The following PTK2 variants were observed in gnomAD, a reference collection of about 807,000 sequenced individuals.
PTK2 encodes protein tyrosine kinase 2.
In PTK2, 45 loss-of-function variants were observed where a neutral mutation model predicts 150.1. The observed-to-expected ratio is 0.30, with a 90% confidence interval of 0.24 to 0.38. The LOEUF (loss-of-function observed/expected upper bound fraction) is 0.38, where lower values mean the gene tolerates loss of function less well. PTK2 is among the 10% of genes least tolerant of loss of function. The probability of loss-of-function intolerance (pLI) is 1.00; values close to 1 mark genes in which losing one functional copy is unlikely to be tolerated. For missense variants in PTK2, 919 were observed against 1,307.3 expected (o/e 0.70, Z 4.58); for synonymous variants, 432 against 449.2 (o/e 0.96, Z 0.48).
chr8:140,920,234 A>C (rs2100166903), intron 2 of PTK2, among the ~76,000 whole-genome samples: 2 of 152,220 alleles, frequency 1.3e-5, no homozygotes, highest in South Asian at 4.1e-4. Flanking sequence ...ACTTCTAAAT[A>C]TGTTTCCCAA....
intron 2 of PTK2, among the ~76,000 whole-genome samples, chr8:140,910,755 T>C (rs887138521): frequency 6.6e-6 from 1 of 152,170 alleles, no homozygotes; most frequent in Admixed American, 6.5e-5. Flanking sequence ...TCTCAGTAAC[T>C]TCTTGGCCTG....
At chr8:140,985,947 A>G (rs2100193099) in intron 1 of PTK2, among the ~76,000 whole-genome samples, 1 of 152,230 alleles carries the variant, frequency 6.6e-6, no homozygotes, top group African/African-American at 2.4e-5. Flanking sequence ...TATTAAAGGA[A>G]CTCAATCATC....
intron 7 of PTK2, chr8:140,833,074 G>A (rs756684119): frequency 5.6e-5 from 29 of 518,578 alleles, no homozygotes; most frequent in Non-Finnish European, 1.1e-4. Flanking sequence ...TAAACCAAAA[G>A]TGTTGTATGA....
At chr8:140,957,319 T>C (rs967183091) in intron 1 of PTK2, among the ~76,000 whole-genome samples, 2 of 152,032 alleles carry the variant, frequency 1.3e-5, no homozygotes, top group African/African-American at 4.8e-5. Context: ...TCTCAGCTAC[T>C]TGGGAAGCTG....
chr8:140,764,371 C>T (rs751711246), intron 14 of PTK2, 81 bp from the exon 17 acceptor site: 16 of 1,094,006 alleles, frequency 1.5e-5, no homozygotes, highest in African/African-American at 6.2e-5. Flanking sequence ...GTAGGCAAAG[C>T]GATCTGCTTA....
chr8:140,932,826 T>C (rs1164704787), intron 1 of PTK2, among the ~76,000 whole-genome samples: 1 of 150,740 alleles, frequency 6.6e-6, no homozygotes, highest in Non-Finnish European at 1.5e-5. Context: ...AGACGGGGGT[T>C]TGTATACAGC....
intron 23 of PTK2, 23 bp downstream of exon 26, chr8:140,717,575 G>A: frequency 6.4e-7 from 1 of 1,557,964 alleles, no homozygotes; most frequent in Non-Finnish European, 8.9e-7. Context: ...TAACCCCAAA[G>A]TTGGGGTGGG....
chr8:140,828,165 CA>C (rs1243500227), intron 8 of PTK2, among the ~76,000 whole-genome samples: 1 of 108,090 alleles, frequency 9.3e-6, no homozygotes, highest in Admixed American at 9.7e-5. Context: ...GACTCTGTCT[CA>C]ACAAAAAAAA....
At chr8:140,949,354 G>T (rs921137292) in intron 1 of PTK2, among the ~76,000 whole-genome samples, 1 of 152,228 alleles carries the variant, frequency 6.6e-6, no homozygotes, top group African/African-American at 2.4e-5. Flanking sequence ...GCAGGAGGTG[G>T]GAACAGGTGG....
Position 140,920,969 on chromosome 8 carries a change from C to T in PTK2, c.-33+4692G>A, listed in dbSNP as rs183484896. On this transcript the variant is annotated intron_variant, in intron 2 of 31. Transcript: ENST00000522684. ...GTCTGCACACAAAGTCCCAGTTCCT[C>T]GCTGTGATAGTATTTGCTTCGATCC... The T allele has an allele frequency of 4.2e-3, 5,825 of 1,386,394 alleles. 14 individuals carry two copies. Among genetic ancestry groups the T allele is most frequent in the Admixed American group, 6.1e-3 (179 of 29,282 alleles). The allele number at this position is 1,386,394 out of a possible 1,614,324, so 85.9% of individuals were successfully genotyped here.
intron 1 of PTK2, among the ~76,000 whole-genome samples, chr8:140,926,986 CT>C (rs1455406426): frequency 1.3e-5 from 2 of 152,148 alleles, no homozygotes; most frequent in Non-Finnish European, 2.9e-5. Flanking sequence ...GATTTAGAAA[CT>C]GCTGAGAGGT....
chr8:140,875,674 T>C (rs945763590), intron 4 of PTK2, among the ~76,000 whole-genome samples: 1 of 152,210 alleles, frequency 6.6e-6, no homozygotes, highest in African/African-American at 2.4e-5. Context: ...TGTACAACTG[T>C]TTCTCACAAC....
intron 14 of PTK2, among the ~76,000 whole-genome samples, chr8:140,780,787 T>C (rs879709129): frequency 3.9e-5 from 6 of 152,216 alleles, no homozygotes; most frequent in Admixed American, 6.5e-5. Flanking sequence ...AGGTGAAATA[T>C]GCCTTCGATT....
intron 1 of PTK2, among the ~76,000 whole-genome samples, chr8:140,983,380 C>CA (rs34040387): frequency 0.097 from 7,583 of 78,270 alleles, 482 homozygotes; most frequent in African/African-American, 0.11. Context: ...GACTCCATCT[C>CA]AAAAAAAAAA....
chr8:140,851,742 C>T (rs988689983), intron 5 of PTK2, among the ~76,000 whole-genome samples: 5 of 151,824 alleles, frequency 3.3e-5, no homozygotes, highest in African/African-American at 1.2e-4. Flanking sequence ...ACCTGTAGTC[C>T]CAGCTACACG....
intron 26 of PTK2, chr8:140,687,157 T>C (rs1045500593): frequency 6.2e-6 from 1 of 161,324 alleles, no homozygotes; most frequent in African/African-American, 2.4e-5. Context: ...AACAGAGAAA[T>C]CTAGATTTTA....
At chr8:140,922,609 C>T (rs2100167931) in intron 2 of PTK2, among the ~76,000 whole-genome samples, 1 of 152,168 alleles carries the variant, frequency 6.6e-6, no homozygotes. Flanking sequence ...CTGAGTCCAT[C>T]TTGGAACTTA....
At chr8:140,922,231 G>A (rs953956261) in intron 2 of PTK2, among the ~76,000 whole-genome samples, 1 of 151,938 alleles carries the variant, frequency 6.6e-6, no homozygotes, top group Admixed American at 6.6e-5. Flanking sequence ...TTTGTCTCTA[G>A]GTTTACTTTC....
At chr8:140,688,451 T>C (rs186130494) in intron 26 of PTK2, among the ~76,000 whole-genome samples, 1 of 125,710 alleles carries the variant, frequency 8.0e-6, no homozygotes, top group East Asian at 2.2e-4. Flanking sequence ...TGGTGGTGTG[T>C]GCCTGCAATT....
Sources: gnomAD v4.1 joint callset for allele counts (sites outside exome capture counted in the v4.1 genomes callset) on GRCh38, gnomAD v4.1.1 for gene constraint, MANE v1.5 for transcripts, NCBI Gene and HGNC (gene_info 2026-07-23, HGNC 2026-07-21) for gene names.